Variants in RYR1 observed in about 807,000 individuals in gnomAD.
The protein encoded by RYR1 is ryanodine receptor 1.
In RYR1, 342 loss-of-function variants were observed where a neutral mutation model predicts 583.5. The ratio of observed to expected loss-of-function variants is 0.59; its 90% CI spans 0.54 to 0.64. The LOEUF is 0.64. Ranked by LOEUF, RYR1 falls within the 30% of genes least tolerant of loss-of-function variation. The pLI, the probability that RYR1 is intolerant of heterozygous loss-of-function variation, is 0.00. For synonymous variants in RYR1, 2,791 were observed against 2,822.5 expected (o/e 0.99, Z 0.35); for missense variants, 6,032 against 6,917.2 (o/e 0.87, Z 4.54).
At chr19:38,530,651 G>T (rs937190521) in intron 76 of RYR1, among the ~76,000 whole-genome samples, 1 of 152,102 alleles carries the variant, frequency 6.6e-6, no homozygotes, top group East Asian at 1.9e-4. Context: ...ACTGACAGGG[G>T]CCCAGGGTCT....
At chr19:38,465,180 C>T (rs1466370507) in intron 23 of RYR1, among the ~76,000 whole-genome samples, 2 of 152,024 alleles carry the variant, frequency 1.3e-5, no homozygotes, top group Non-Finnish European at 2.9e-5. Context: ...AGTAAGAAAC[C>T]TCAGAGTGGG....
At position 38,499,021 on chromosome 19, in the gene RYR1, A is replaced by G. The variant is rs1969973877; in HGVS notation, c.6892-87A>G. The G allele has an allele frequency of 5.0e-6, 7 of 1,390,332 alleles. No homozygotes were observed. Among genetic ancestry groups the G allele is most frequent in the Non-Finnish European group, 6.8e-6 (7 of 1,031,954 alleles). The allele number at this position is 1,390,332 out of a possible 1,614,324, so 86.1% of individuals were successfully genotyped here. On this transcript the variant is annotated intron_variant, in intron 42 of 105. Transcript: ENST00000359596. This position sits in a 1 kb window ranked among gnomAD's most constrained non-coding sequence, Gnocchi z 7.3. ...GAGCTGAACCGGACTGAGGAGCCGC[A>G]GGGCAGGGCAGGGCAGGGCAGAGGG...
chr19:38,485,669 G>C lies in RYR1; in HGVS notation c.5014G>C (p.Val1672Leu). The change falls in exon 34 of 106, where the codon GTG becomes CTG. Residue 1672 changes from valine (V) to leucine (L), a missense_variant. By Grantham distance (32) the Val-to-Leu change is conservative. This residue lies in a region of RYR1 where 2,627 missense variants were observed against 2,961.3 expected (regional missense o/e 0.89). Transcript: ENST00000359596. ...GCACACCCTGCGCCTCTACCGCGCT[G>C]TGTGCGCCCTGGGCAACAATCGCGT... ...HSHTLRLYRA[V>L]CALGNNRVAH... is the part of the protein sequence containing the mutation. 6.2e-7 allele frequency: 1 copy of C among 1,610,816 alleles called. No homozygotes were observed. The highest frequency in any genetic ancestry group is 1.1e-5 in the South Asian group (1 of 91,058).
chr19:38,572,379 A>C, intron 95 of RYR1, 109 bp downstream of exon 95: 4 of 750,608 alleles, frequency 5.3e-6, no homozygotes, highest in Non-Finnish European at 5.6e-6. Context: ...GTTGGGACAG[A>C]GGGGGCCTAG....
chr19:38,460,319 A>T, intron 19 of RYR1, 56 bp from the exon 20 acceptor site: 1 of 1,516,004 alleles, frequency 6.6e-7, no homozygotes, highest in Non-Finnish European at 9.2e-7. Context: ...CCCACTGACC[A>T]CAGACTGTCC....
At chr19:38,460,995 C>CAAAACAA (rs997195937) in intron 20 of RYR1, among the ~76,000 whole-genome samples, 90 of 151,786 alleles carry the variant, frequency 5.9e-4, no homozygotes, top group African/African-American at 2.1e-3. Flanking sequence ...CAAAACAAAA[C>CAAAACAA]AAAACAAAAA....
At position 38,504,988 on chromosome 19, in the gene RYR1, C is replaced by T. The variant is rs1317633772; in HGVS notation, c.8232-15C>T. 3.1e-6 allele frequency: 5 copies of T among 1,614,156 alleles called. No individual in the cohort carries two copies. The highest frequency in any genetic ancestry group is 4.2e-6 in the Non-Finnish European group (5 of 1,179,998). On this transcript the variant is annotated splice_polypyrimidine_tract_variant and intron_variant, in intron 51 of 105. Transcript: ENST00000359596. Reference sequence around the variant, plus strand: ...ACCCCAGCTCCAACATCTGCTGACCCTGTGCCCCCAACAGTGTGATCATCC... The same window carrying T: ...ACCCCAGCTCCAACATCTGCTGACCTTGTGCCCCCAACAGTGTGATCATCC...
chr19:38,442,307 G>T (rs1972726570), intron 2 of RYR1, 42 bp from the exon 3 acceptor site: 2 of 1,318,704 alleles, frequency 1.5e-6, no homozygotes, highest in African/African-American at 2.9e-5. Flanking sequence ...CTGGGGTGGG[G>T]GGGTCTTCTG....
chr19:38,438,668 G>A (rs1184890627), intron 1 of RYR1, among the ~76,000 whole-genome samples: 1 of 120,458 alleles, frequency 8.3e-6, no homozygotes, highest in Non-Finnish European at 1.6e-5. Context: ...ACCCAGGCTC[G>A]AGTTCAGTGG....
intron 33 of RYR1, among the ~76,000 whole-genome samples, chr19:38,485,077 C>A (rs911667264): frequency 6.6e-6 from 1 of 152,104 alleles, no homozygotes; most frequent in Non-Finnish European, 1.5e-5. Flanking sequence ...GCAGAAATGT[C>A]CTGCCCTTGG....
At chr19:38,476,908 C>T (rs2145498937) in intron 29 of RYR1, among the ~76,000 whole-genome samples, 1 of 152,172 alleles carries the variant, frequency 6.6e-6, no homozygotes, top group Non-Finnish European at 1.5e-5. Context: ...ATGGCTCACA[C>T]CCGTAGTCCC....
In RYR1 at chr19:38,490,613, T is replaced by A; in HGVS notation, c.6016-8T>A. ...AGACCCTCATTCTAATCTTTGACCT[T>A]CCCCTAGATCAATATGCTATTGCAA... On this transcript the variant is annotated splice_polypyrimidine_tract_variant and splice_region_variant and intron_variant, in intron 36 of 105. Transcript: ENST00000359596. 2 of 1,558,904 alleles carry A rather than the reference T, an allele frequency of 1.3e-6. No individual in the cohort carries two copies. The highest frequency in any genetic ancestry group is 8.9e-7 in the Non-Finnish European group (1 of 1,129,814).
At chr19:38,519,530 C>T in intron 67 of RYR1, 76 bp downstream of exon 67, 1 of 1,500,614 alleles carries the variant, frequency 6.7e-7, no homozygotes, top group South Asian at 1.2e-5. Context: ...ATCTCCGCCT[C>T]CTGACTGGCT....
At chr19:38,489,068 T>G in intron 34 of RYR1, 109 bp from the exon 35 acceptor site, 3 of 971,290 alleles carry the variant, frequency 3.1e-6, no homozygotes, top group Non-Finnish European at 5.0e-6. Context: ...GATCAGCCAA[T>G]GCAGGAATGA....
At chr19:38,551,748 C>T (rs1972676210) in intron 89 of RYR1, among the ~76,000 whole-genome samples, 1 of 152,106 alleles carries the variant, frequency 6.6e-6, no homozygotes, top group Admixed American at 6.6e-5. Flanking sequence ...AGGGGCAATG[C>T]CTGCTTCCCT....
intron 101 of RYR1, among the ~76,000 whole-genome samples, chr19:38,583,118 G>A (rs1375253937): frequency 1.3e-5 from 2 of 151,948 alleles, no homozygotes; most frequent in Non-Finnish European, 2.9e-5. Context: ...CCAACGTGGT[G>A]AAACCCTGTC....
intron 91 of RYR1, among the ~76,000 whole-genome samples, 197 bp from the exon 92 acceptor site, chr19:38,566,714 C>G (rs980962739): frequency 1.3e-5 from 2 of 152,072 alleles, no homozygotes; most frequent in Non-Finnish European, 2.9e-5. Context: ...GTGCTTTGGG[C>G]AAAGGGCTTC....
At position 38,544,514 on chromosome 19, in the gene RYR1, C is replaced by T. The variant is rs146407054; in HGVS notation, c.12012+639C>T. 7.2e-4 allele frequency among the ~76,000 whole-genome samples: 109 copies of T among 152,316 alleles called. No homozygotes were observed. In the Middle Eastern group the frequency reaches 0.017, roughly 24 times the overall value. On this transcript the variant is annotated intron_variant, in intron 87 of 105. Coordinates refer to ENST00000359596, the MANE Select transcript of RYR1 (RefSeq NM_000540.3). ...CACGATCTCTGAGAGCATTCACATC[C>T]TACACATAATGGTGTATTTATTACA...
At chr19:38,468,025 T>TCATC (rs67434030) in intron 25 of RYR1, 9,465 of 482,442 alleles carry the variant, frequency 0.02, 491 homozygotes, top group East Asian at 0.054. Flanking sequence ...AACCAACAAT[T>TCATC]CATCCATCCA....
Sources: gnomAD v4.1 joint callset for allele counts (sites outside exome capture counted in the v4.1 genomes callset) on GRCh38, gnomAD v4.1.1 for gene constraint, gnomAD v4.1.1 regional missense constraint, Gnocchi (gnomAD v3.1) non-coding constraint, MANE v1.5 for transcripts, NCBI Gene and HGNC (gene_info 2026-07-23, HGNC 2026-07-21) for gene names.